The following GATAD1 variants were observed in gnomAD, a reference collection of about 807,000 sequenced individuals.
The protein encoded by GATAD1 is GATA zinc finger domain-containing protein 1.
In GATAD1, 12 loss-of-function variants were observed where a neutral mutation model predicts 26.5. That is an observed-to-expected ratio of 0.45 (90% CI 0.29 to 0.73). The LOEUF (loss-of-function observed/expected upper bound fraction) is 0.73. GATAD1 is among the 30% of genes least tolerant of loss of function. GATAD1 has a pLI of 0.10. For missense variants in GATAD1, 266 were observed against 342.1 expected (o/e 0.78, Z 1.75); for synonymous variants, 129 against 133.1 (o/e 0.97, Z 0.21).
chr7:92,494,609 C>T, the GATAD1 span: 1 of 1,613,978 alleles, frequency 6.2e-7, no homozygotes, highest in Non-Finnish European at 8.5e-7. Flanking sequence ...GAAAAGAATG[C>T]AGGGCTTTGC....
At chr7:92,494,179 TC>T in the GATAD1 span, 1 of 803,974 alleles carries the variant, frequency 1.2e-6, no homozygotes, top group Non-Finnish European at 2.1e-6. Context: ...CTAAAGCTTT[TC>T]CCTAAGAAAG....
At chr7:92,449,493 A>G (rs761118619) in intron 2 of GATAD1, 2 of 976,006 alleles carry the variant, frequency 2.0e-6, no homozygotes, top group Non-Finnish European at 2.4e-6. Flanking sequence ...ACAAGGGATA[A>G]TGTTCAAACA....
the GATAD1 span, among the ~76,000 whole-genome samples, chr7:92,476,428 G>T: frequency 6.6e-6 from 1 of 152,186 alleles, no homozygotes; most frequent in African/African-American, 2.4e-5. Context: ...TGGCCTCAGT[G>T]CTTTCGGCCT....
At position 92,456,691 on chromosome 7, in the gene GATAD1, C is replaced by T; in HGVS notation, c.*129C>T. The T allele has an allele frequency of 1.8e-6, 1 of 568,942 alleles. No individual in the cohort carries two copies. The highest frequency in any genetic ancestry group is 3.1e-6 in the Non-Finnish European group (1 of 323,810). 35.2% of individuals were successfully genotyped at this position (568,942 alleles called of 1,614,324 possible). On this transcript the variant is annotated 3_prime_UTR_variant, in exon 5 of 5. Coordinates refer to ENST00000287957, the MANE Select transcript of GATAD1 (RefSeq NM_021167.5). ...TCTTTCTTAAAAAACCACAAAAAAA[C>T]TGGATTTCCAGTTCTCTAATATTCT...
downstream of GATAD1, among the ~76,000 whole-genome samples, chr7:92,462,254 T>G (rs1562825686): frequency 6.6e-6 from 1 of 152,082 alleles, no homozygotes; most frequent in Non-Finnish European, 1.5e-5. Context: ...TCTAATAGAA[T>G]TTTATGCTGT....
At chr7:92,461,030 G>A (rs767740395), downstream of GATAD1, among the ~76,000 whole-genome samples, 16 of 152,108 alleles carry the variant, frequency 1.1e-4, no homozygotes, top group Non-Finnish European at 2.9e-5. Flanking sequence ...ATAAATAGTA[G>A]TTCTTAAACC....
the GATAD1 span, chr7:92,489,933 T>G: frequency 6.3e-7 from 1 of 1,592,784 alleles, no homozygotes; most frequent in Non-Finnish European, 8.6e-7. Context: ...ATTGTAGTAA[T>G]GAAAGATGGA....
At chr7:92,450,632 T>C (rs945867193) in intron 2 of GATAD1, 69 bp from the exon 3 acceptor site, 2 of 979,202 alleles carry the variant, frequency 2.0e-6, no homozygotes, top group African/African-American at 1.6e-5. Context: ...AGAACTCTCA[T>C]AGGGCTGGGA....
At chr7:92,466,459 C>T in the GATAD1 span, among the ~76,000 whole-genome samples, 1 of 152,108 alleles carries the variant, frequency 6.6e-6, no homozygotes, top group Non-Finnish European at 1.5e-5. Context: ...CCACACCCAG[C>T]CAGCAGTTTT....
chr7:92,455,222 G>C (rs932551663), intron 4 of GATAD1, among the ~76,000 whole-genome samples: 1 of 152,172 alleles, frequency 6.6e-6, no homozygotes. Context: ...TGGAGTGTGA[G>C]TGCTATCAGT....
the GATAD1 span, chr7:92,487,537 C>T: frequency 2.6e-6 from 4 of 1,518,550 alleles, no homozygotes; most frequent in East Asian, 2.3e-5. Context: ...TGAAAGCTTT[C>T]ATATCTGAAA....
the GATAD1 span, among the ~76,000 whole-genome samples, chr7:92,480,901 C>T: frequency 2.0e-5 from 3 of 152,100 alleles, no homozygotes; most frequent in African/African-American, 7.2e-5. Context: ...AGGACCCTTG[C>T]GTAGTGAGGA....
At chr7:92,485,107 T>G in the GATAD1 span, among the ~76,000 whole-genome samples, 1 of 152,080 alleles carries the variant, frequency 6.6e-6, no homozygotes, top group South Asian at 2.1e-4. Context: ...GGTTAATCGC[T>G]CAGTTAAGAT....
the GATAD1 span, among the ~76,000 whole-genome samples, chr7:92,466,255 C>T: frequency 6.6e-6 from 1 of 152,164 alleles, no homozygotes; most frequent in Admixed American, 6.5e-5. Flanking sequence ...CAGCCTCCAC[C>T]TCCCAGGCTC....
chr7:92,459,759 C>G lies in GATAD1; in HGVS notation c.*3197C>G, dbSNP rs1789849439. On this transcript the variant is annotated 3_prime_UTR_variant, in exon 5 of 5. Transcript: ENST00000287957. ...CTTTGGTCCTGGGATGACAGGGATG[C>G]TGTGTTTTATTTACTCATCTTTGTA... 2.0e-5 allele frequency among the ~76,000 whole-genome samples: 3 copies of G among 152,202 alleles called. No homozygotes were observed. In the South Asian group the frequency reaches 6.2e-4, roughly 31 times the overall value.
the GATAD1 span, chr7:92,468,486 A>C: frequency 3.7e-6 from 1 of 268,804 alleles, no homozygotes; most frequent in Non-Finnish European, 6.9e-6. Context: ...ACTTGGGTTT[A>C]TATCCCGATC....
At chr7:92,463,924 C>T (rs538017615), downstream of GATAD1, among the ~76,000 whole-genome samples, 27 of 152,084 alleles carry the variant, frequency 1.8e-4, no homozygotes, top group African/African-American at 4.8e-4. Context: ...GTTGAGATTG[C>T]GCCACTGCAC....
At chr7:92,467,372 A>C in the GATAD1 span, among the ~76,000 whole-genome samples, 1 of 152,194 alleles carries the variant, frequency 6.6e-6, no homozygotes, top group South Asian at 2.1e-4. Flanking sequence ...AAGCACATAC[A>C]AGTTTTCTCA....
At chr7:92,491,588 A>G in the GATAD1 span, 1 of 801,022 alleles carries the variant, frequency 1.2e-6, no homozygotes. Context: ...GCATTCTATT[A>G]GAGCAATACA....
Sources: allele counts gnomAD v4.1 joint callset (sites outside exome capture counted in the v4.1 genomes callset), GRCh38; gene constraint gnomAD v4.1.1; transcripts MANE v1.5; gene names NCBI Gene and HGNC (gene_info 2026-07-23, HGNC 2026-07-21).